Variants in ANKS1B observed in about 807,000 individuals in gnomAD.
The protein encoded by ANKS1B is ankyrin repeat and sterile alpha motif domain-containing protein 1B.
Under a neutral mutation model 148.3 loss-of-function variants are expected in ANKS1B, and 36 were observed. The observed-to-expected ratio is 0.24, with a 90% CI of 0.19 to 0.32. The LOEUF is 0.32. ANKS1B is among the 10% of genes least tolerant of loss of function. ANKS1B has a pLI of 1.00. For synonymous variants in ANKS1B, 542 were observed against 560.8 expected, an observed-to-expected ratio of 0.97 and a Z score of 0.47; for missense variants, 1,157 against 1,542.6, an observed-to-expected ratio of 0.75 and a Z score of 4.19.
intron 9 of ANKS1B, among the ~76,000 whole-genome samples, chr12:99,543,703 A>C (rs1185403974): frequency 6.6e-6 from 1 of 152,130 alleles, no homozygotes; most frequent in Non-Finnish European, 1.5e-5. Flanking sequence ...ACATTCTACA[A>C]CATAAATAAA....
At chr12:99,656,906 C>A (rs7966311) in intron 8 of ANKS1B, among the ~76,000 whole-genome samples, 2 of 152,072 alleles carry the variant, frequency 1.3e-5, no homozygotes, top group Admixed American at 6.6e-5. Context: ...CATCCTCCCC[C>A]CAAAATTGTT....
rs2083447245 is a variant in ANKS1B, at chr12:99,212,274, T to TGTGTCA, written c.2419+32062_2419+32067dup. Among the ~76,000 whole-genome samples the TGTGTCA allele has an allele frequency of 2.0e-5, 3 of 152,324 alleles. No homozygotes were observed. In the South Asian group the frequency reaches 6.2e-4, roughly 32 times the overall value. The stretch of plus-strand genomic sequence containing the variant: ...GGTTTGGCTCAAACTTATATTTCCA[T>TGTGTCA]GTGTCAGTCCTATTATTTCAAATTC... On this transcript the variant is annotated intron_variant, in intron 14 of 26. Coordinates refer to ENST00000683438, the MANE Select transcript of ANKS1B (RefSeq NM_001352186.2).
intron 17 of ANKS1B, among the ~76,000 whole-genome samples, chr12:98,946,044 A>G (rs1037298342): frequency 3.3e-5 from 5 of 152,130 alleles, no homozygotes; most frequent in African/African-American, 1.2e-4. Flanking sequence ...AGTCAAGCCA[A>G]TTGTGGTTTT....
chr12:99,325,467 C>T (rs1440009502), intron 12 of ANKS1B, among the ~76,000 whole-genome samples: 1 of 152,044 alleles, frequency 6.6e-6, no homozygotes, highest in African/African-American at 2.4e-5. Flanking sequence ...TGGCAGACCA[C>T]CCACATCAGT....
chr12:99,174,684 G>A (rs200250257), intron 14 of ANKS1B, among the ~76,000 whole-genome samples: 3 of 152,064 alleles, frequency 2.0e-5, no homozygotes, highest in Admixed American at 2.0e-4. Context: ...ATGGAAAGAG[G>A]CTGGTTCCTA....
intron 12 of ANKS1B, among the ~76,000 whole-genome samples, chr12:99,349,319 C>CA (rs1295941473): frequency 2.6e-5 from 4 of 151,734 alleles, no homozygotes; most frequent in African/African-American, 9.7e-5. Context: ...AAACAAATAG[C>CA]AAAATGGCAT....
chr12:99,320,977 C>A (rs550471964), intron 12 of ANKS1B, among the ~76,000 whole-genome samples: 1 of 152,272 alleles, frequency 6.6e-6, no homozygotes, highest in Admixed American at 6.5e-5. Flanking sequence ...CCACTCCAGA[C>A]CCTGTTTGCC....
At chr12:99,911,149 G>A (rs2093993706) in intron 1 of ANKS1B, among the ~76,000 whole-genome samples, 1 of 152,186 alleles carries the variant, frequency 6.6e-6, no homozygotes, top group Non-Finnish European at 1.5e-5. Flanking sequence ...GTAGTTGGCA[G>A]AGCAATGATT....
chr12:98,825,272 C>A (rs1185239951), intron 19 of ANKS1B, among the ~76,000 whole-genome samples: 1 of 152,064 alleles, frequency 6.6e-6, no homozygotes, highest in Non-Finnish European at 1.5e-5. Flanking sequence ...AAACAACAAA[C>A]CTTGGAAGAA....
chr12:99,280,150 TAG>T (rs776126073), intron 12 of ANKS1B, among the ~76,000 whole-genome samples: 5 of 149,018 alleles, frequency 3.4e-5, no homozygotes, highest in Admixed American at 1.3e-4. Context: ...ACAGAACCAA[TAG>T]AGTCTGTGTG....
intron 16 of ANKS1B, among the ~76,000 whole-genome samples, chr12:99,084,419 T>G (rs2050896369): frequency 6.6e-6 from 1 of 152,116 alleles, no homozygotes; most frequent in African/African-American, 2.4e-5. Flanking sequence ...CACATTTTTC[T>G]AGGTAAATCT....
intron 14 of ANKS1B, among the ~76,000 whole-genome samples, chr12:99,180,191 TTTC>T (rs1205958664): frequency 9.2e-5 from 14 of 152,202 alleles, no homozygotes; most frequent in Admixed American, 3.9e-4. Flanking sequence ...TACTTCCAGT[TTTC>T]TTCTTCTTAT....
At position 99,154,611 on chromosome 12, in the gene ANKS1B, A is replaced by C. The variant is rs2075762363; in HGVS notation, c.2420-216T>G. The stretch of plus-strand genomic sequence containing the variant: ...CAGGCAGGCTGTGGAGTATGACTTG[A>C]TCCTAGCTCCACATTTCTTACATAT... On this transcript the variant is annotated intron_variant, in intron 14 of 26. Coordinates refer to ENST00000683438, the MANE Select transcript of ANKS1B (RefSeq NM_001352186.2). 2.1e-6 allele frequency: 3 copies of C among 1,459,208 alleles called. No homozygotes were observed. In the South Asian group the frequency reaches 4.4e-5, roughly 21 times the overall value. The allele number at this position is 1,459,208 out of a possible 1,614,324, so 90.4% of individuals were successfully genotyped here. A position where few individuals can be genotyped will look rare whatever the true frequency, so the allele number is the denominator to read the frequency against.
At chr12:99,410,087 T>C (rs1006630073) in intron 11 of ANKS1B, among the ~76,000 whole-genome samples, 2 of 152,252 alleles carry the variant, frequency 1.3e-5, no homozygotes, top group Admixed American at 6.5e-5. Flanking sequence ...ATATTTTTGT[T>C]CAGCCTGAAA....
intron 10 of ANKS1B, among the ~76,000 whole-genome samples, chr12:99,472,030 G>C (rs1055607938): frequency 2.0e-5 from 3 of 151,924 alleles, no homozygotes; most frequent in African/African-American, 7.3e-5. Flanking sequence ...ATTTTTACAT[G>C]GAATGACATT....
At chr12:99,908,993 A>G (rs1269363593) in intron 1 of ANKS1B, among the ~76,000 whole-genome samples, 1 of 151,940 alleles carries the variant, frequency 6.6e-6, no homozygotes, top group African/African-American at 2.4e-5. Context: ...TTTGACATAC[A>G]TCTCCCCATT....
At chr12:99,051,437 A>G (rs1468535387) in intron 17 of ANKS1B, among the ~76,000 whole-genome samples, 2 of 152,216 alleles carry the variant, frequency 1.3e-5, no homozygotes, top group Non-Finnish European at 2.9e-5. Flanking sequence ...ATATTTTTCA[A>G]GCTATTCCAT....
At chr12:99,741,319 T>C (rs2060091473) in intron 8 of ANKS1B, among the ~76,000 whole-genome samples, 1 of 151,732 alleles carries the variant, frequency 6.6e-6, no homozygotes, top group African/African-American at 2.4e-5. Context: ...AGTTCGACCA[T>C]TGTGGAAGAC....
At chr12:99,649,514 G>T in intron 9 of ANKS1B, 1 of 766,154 alleles carries the variant, frequency 1.3e-6, no homozygotes, top group Non-Finnish European at 2.2e-6. Context: ...ATGACAGTAA[G>T]CACCACCACA....
Sources: gnomAD v4.1 joint callset for allele counts (sites outside exome capture counted in the v4.1 genomes callset) on GRCh38, gnomAD v4.1.1 for gene constraint, MANE v1.5 for transcripts, NCBI Gene and HGNC (gene_info 2026-07-23, HGNC 2026-07-21) for gene names.